Variants in WASL observed in about 807,000 individuals in gnomAD.
The protein encoded by WASL is WASP like actin nucleation promoting factor, also known as actin nucleation-promoting factor WASL.
Under a neutral mutation model 55.5 loss-of-function variants are expected in WASL, and 20 were observed. That is an observed-to-expected ratio of 0.36 (90% CI 0.25 to 0.52). The LOEUF is 0.52. Among genes scored for constraint, WASL ranks in the 20% least tolerant of loss-of-function variants. The pLI is 0.92. For missense variants in WASL, 504 were observed against 622.5 expected (o/e 0.81, Z 2.03); for synonymous variants, 249 against 217.6 (o/e 1.14, Z -1.27).
At chr7:123,707,158 C>T (rs1260447021) in intron 2 of WASL, among the ~76,000 whole-genome samples, 1 of 152,098 alleles carries the variant, frequency 6.6e-6, no homozygotes, top group Non-Finnish European at 1.5e-5. Flanking sequence ...ATCAATGTTA[C>T]ATAGAAGGAA....
rs531900623 is a variant in WASL, at chr7:123,741,068, C to T, written c.117+7550G>A. On this transcript the variant is annotated intron_variant, in intron 1 of 10. Transcript: ENST00000223023. Reference sequence around the variant, plus strand: ...CATTATCCCAGGATGAGCAAGTGTGCGAGTGAGTTGTGGGTGTAGGTATGA... The same window carrying T: ...CATTATCCCAGGATGAGCAAGTGTGTGAGTGAGTTGTGGGTGTAGGTATGA... Among the ~76,000 whole-genome samples the T allele has an allele frequency of 3.3e-5, 5 of 151,994 alleles. No homozygotes were observed. In the East Asian group the frequency reaches 5.8e-4, roughly 18 times the overall value.
chr7:123,716,204 GTTTATT>G (rs904715097), intron 1 of WASL, among the ~76,000 whole-genome samples: 7 of 151,970 alleles, frequency 4.6e-5, no homozygotes, highest in African/African-American at 9.7e-5. Flanking sequence ...TCACCAATCA[GTTTATT>G]TTTATTTTTA....
intron 1 of WASL, among the ~76,000 whole-genome samples, chr7:123,715,795 G>A (rs748278721): frequency 8.5e-5 from 13 of 152,288 alleles, no homozygotes; most frequent in African/African-American, 2.4e-4. Flanking sequence ...AAACTGCAAA[G>A]TATTATGTGG....
chr7:123,720,406 C>T, intron 1 of WASL: 1 of 431,090 alleles, frequency 2.3e-6, no homozygotes, highest in Non-Finnish European at 4.5e-6. Flanking sequence ...ACACTGTTAT[C>T]TGAATAAAAG....
At chr7:123,699,319 A>C (rs1803540937) in intron 5 of WASL, among the ~76,000 whole-genome samples, 1 of 152,180 alleles carries the variant, frequency 6.6e-6, no homozygotes. Flanking sequence ...CAGAGGTTGC[A>C]GTGGGCTGAG....
chr7:123,736,338 T>A (rs1363380052), intron 1 of WASL, among the ~76,000 whole-genome samples: 2 of 152,132 alleles, frequency 1.3e-5, no homozygotes, highest in Non-Finnish European at 2.9e-5. Context: ...GAGAAATACC[T>A]AGATTTAGAC....
At chr7:123,737,122 A>G (rs1804245856) in intron 1 of WASL, among the ~76,000 whole-genome samples, 1 of 152,182 alleles carries the variant, frequency 6.6e-6, no homozygotes, top group African/African-American at 2.4e-5. Flanking sequence ...CACATAAAAT[A>G]CATTAACCCT....
In WASL at chr7:123,748,710, G is replaced by C. The variant is rs1357678162; in HGVS notation, c.25C>G (p.Pro9Ala). ...ACGTTGGTGACCCTCCGCGGCGGCG[G>C]CGGCTGCTGCTGGACGGAGCTCATG... MSSVQQQPPPPRRVTNVGS... is the reference protein window; with the variant it reads MSSVQQQPAPPRRVTNVGS... Residue 9 changes from proline (P) to alanine (A), a missense_variant, in exon 1 of 11, where the codon CCG becomes GCG. Coordinates refer to ENST00000223023, the MANE Select transcript of WASL (RefSeq NM_003941.4). 7.5e-6 allele frequency: 12 copies of C among 1,606,670 alleles called. No homozygotes were observed. Among genetic ancestry groups the C allele is most frequent in the Non-Finnish European group, 1.0e-5 (12 of 1,177,048 alleles).
chr7:123,712,521 T>C (rs570715855), intron 1 of WASL, among the ~76,000 whole-genome samples: 24 of 152,284 alleles, frequency 1.6e-4, no homozygotes, highest in African/African-American at 5.1e-4. Flanking sequence ...TATACATATA[T>C]ATAGAGAAAA....
intron 5 of WASL, 45 bp downstream of exon 5, chr7:123,704,589 T>C (rs780821887): frequency 2.1e-6 from 3 of 1,455,172 alleles, no homozygotes; most frequent in South Asian, 2.5e-5. Flanking sequence ...AGGATTAAAC[T>C]GTCATCTAAA....
chr7:123,682,037 A>T lies in WASL; in HGVS notation c.*2482T>A, dbSNP rs531628557. 2.0e-5 allele frequency: 3 copies of T among 152,288 alleles called. No homozygotes were observed. The highest frequency in any genetic ancestry group is 7.2e-5 in the African/African-American group (3 of 41,572). The allele number at this position is 152,288 out of a possible 1,614,324, so 9.4% of individuals were successfully genotyped here. A position where few individuals can be genotyped will look rare whatever the true frequency, so the allele number is the denominator to read the frequency against. On this transcript the variant is annotated 3_prime_UTR_variant, in exon 11 of 11. Transcript: ENST00000223023. ...TATACATTTCAAAAAAAGAATTCAC[A>T]TACTAAACAAAATTTCAGTTGTCTG...
intron 1 of WASL, among the ~76,000 whole-genome samples, chr7:123,731,902 A>G (rs901562510): frequency 4.6e-5 from 7 of 152,188 alleles, no homozygotes; most frequent in Admixed American, 3.9e-4. Flanking sequence ...GAAAAGAAAA[A>G]AAGAATTATA....
At chr7:123,745,291 C>G (rs1804412986) in intron 1 of WASL, among the ~76,000 whole-genome samples, 1 of 152,078 alleles carries the variant, frequency 6.6e-6, no homozygotes, top group South Asian at 2.1e-4. Context: ...CCTTGTCTTT[C>G]CCTCACAATC....
Position 123,683,255 on chromosome 7 carries a change from A to G in WASL, c.*1264T>C, listed in dbSNP as rs1180798284. 2 of 152,250 alleles carry G rather than the reference A, an allele frequency of 1.3e-5. No individual in the cohort carries two copies. Among genetic ancestry groups the G allele is most frequent in the Non-Finnish European group, 2.9e-5 (2 of 67,964 alleles). The allele number at this position is 152,250 out of a possible 1,614,324, so 9.4% of individuals were successfully genotyped here. On this transcript the variant is annotated 3_prime_UTR_variant, in exon 11 of 11. Coordinates refer to ENST00000223023, the MANE Select transcript of WASL (RefSeq NM_003941.4). ...GTAGGTAGGTATGATAATTAGCATT[A>G]TAAATATGAAACAACCACCTTTAGG...
chr7:123,706,932 C>T (rs542045448), intron 2 of WASL, 106 bp from the exon 3 acceptor site: 33 of 560,838 alleles, frequency 5.9e-5, no homozygotes, highest in African/African-American at 4.7e-4. Flanking sequence ...TTAAAAATAA[C>T]TTTTAATGCA....
intron 10 of WASL, among the ~76,000 whole-genome samples, chr7:123,685,897 A>AAT (rs1235329558): frequency 2.7e-5 from 4 of 147,928 alleles, no homozygotes; most frequent in Non-Finnish European, 3.0e-5. Context: ...TATGTATATA[A>AAT]ATATATATAT....
intron 1 of WASL, among the ~76,000 whole-genome samples, chr7:123,747,154 CA>C (rs1447488749): frequency 2.0e-5 from 3 of 152,072 alleles, no homozygotes; most frequent in Non-Finnish European, 4.4e-5. Flanking sequence ...TGATGTAGTG[CA>C]AAGTACAATG....
chr7:123,691,590 G>T (rs555776861), intron 9 of WASL, among the ~76,000 whole-genome samples: 3 of 152,220 alleles, frequency 2.0e-5, no homozygotes, highest in Non-Finnish European at 4.4e-5. Context: ...AGAGCTGAGT[G>T]GTCACAAGAG....
intron 6 of WASL, 32 bp downstream of exon 6, chr7:123,696,547 T>C: frequency 6.6e-7 from 1 of 1,508,628 alleles, no homozygotes; most frequent in Non-Finnish European, 8.8e-7. Flanking sequence ...AAATCAAAAG[T>C]GAAGATAAGA....
Sources: gnomAD v4.1 joint callset for allele counts (sites outside exome capture counted in the v4.1 genomes callset) on GRCh38, gnomAD v4.1.1 for gene constraint, MANE v1.5 for transcripts, NCBI Gene and HGNC (gene_info 2026-07-23, HGNC 2026-07-21) for gene names.